SLC6A2: variants seen among roughly 807,000 people sequenced by gnomAD.
SLC6A2 encodes sodium-dependent noradrenaline transporter.
SLC6A2 carries 26 observed loss-of-function variants against 71.7 expected under a neutral mutation model. The ratio of observed to expected loss-of-function variants is 0.36; its 90% CI spans 0.27 to 0.50. The LOEUF (loss-of-function observed/expected upper bound fraction) is 0.50, where lower values mean the gene tolerates loss of function less well. Ranked by LOEUF, SLC6A2 falls within the 20% of genes least tolerant of loss-of-function variation. The pLI, the probability that SLC6A2 is intolerant of heterozygous loss-of-function variation, is 0.96. For synonymous variants in SLC6A2, 363 were observed against 337.9 expected, an observed-to-expected ratio of 1.07 and a Z score of -0.82; for missense variants, 581 against 803.9, an observed-to-expected ratio of 0.72 and a Z score of 3.35.
intron 5 of SLC6A2, 46 bp downstream of exon 5, chr16:55,685,327 T>TGG: frequency 6.3e-7 from 1 of 1,586,634 alleles, no homozygotes; most frequent in East Asian, 2.2e-5. Flanking sequence ...TGATCAACCT[T>TGG]GGGGGGTGTG....
At chr16:55,698,837 G>T (rs1965881685) in intron 11 of SLC6A2, among the ~76,000 whole-genome samples, 1 of 152,160 alleles carries the variant, frequency 6.6e-6, no homozygotes, top group African/African-American at 2.4e-5. Flanking sequence ...ATCCTACCAG[G>T]GGGTTGTCAG....
intron 9 of SLC6A2, 44 bp from the exon 10 acceptor site, chr16:55,697,853 G>A (rs752925201): frequency 2.0e-5 from 33 of 1,611,744 alleles, no homozygotes; most frequent in Non-Finnish European, 1.8e-5. Flanking sequence ...TGAGGTCCAG[G>A]GAGACCCTAA....
At chr16:55,692,164 T>C in intron 6 of SLC6A2, 112 bp downstream of exon 6, 1 of 1,248,974 alleles carries the variant, frequency 8.0e-7, no homozygotes, top group Middle Eastern at 1.9e-4. Context: ...CAGTGTAGCC[T>C]TGGACAGGAT....
chr16:55,674,879 T>A (rs1271569180), intron 4 of SLC6A2, among the ~76,000 whole-genome samples: 1 of 152,238 alleles, frequency 6.6e-6, no homozygotes, highest in Non-Finnish European at 1.5e-5. Context: ...GTAGTGGGAT[T>A]GCTGGGTCGA....
intron 7 of SLC6A2, 66 bp from the exon 8 acceptor site, chr16:55,695,212 T>A: frequency 6.2e-7 from 1 of 1,602,196 alleles, no homozygotes; most frequent in Non-Finnish European, 8.5e-7. Flanking sequence ...CTATAGCCAG[T>A]CCAGCAGTCA....
chr16:55,665,374 G>T (rs1275718498), intron 2 of SLC6A2, among the ~76,000 whole-genome samples: 2 of 152,112 alleles, frequency 1.3e-5, no homozygotes, highest in Non-Finnish European at 2.9e-5. Context: ...GGGTGTTGGG[G>T]AAGGGGGACA....
At chr16:55,674,122 C>A (rs1965008295) in intron 4 of SLC6A2, among the ~76,000 whole-genome samples, 1 of 152,060 alleles carries the variant, frequency 6.6e-6, no homozygotes, top group Non-Finnish European at 1.5e-5. Flanking sequence ...GTGATTGAAC[C>A]TGCCACCCAG....
At chr16:55,689,446 T>C (rs1389753858) in intron 5 of SLC6A2, among the ~76,000 whole-genome samples, 1 of 152,224 alleles carries the variant, frequency 6.6e-6, no homozygotes, top group Non-Finnish European at 1.5e-5. Flanking sequence ...CCAACAAACA[T>C]GGCCAATGCA....
chr16:55,696,231 G>A lies in SLC6A2; in HGVS notation c.1154G>A (p.Gly385Asp). Residue 385 changes from glycine to aspartate, a missense_variant, in exon 9 of 15, where the codon GGC (glycine) becomes GAC (aspartate). Physicochemically the swap from Gly to Asp is moderately conservative, Grantham distance 94. Transcript: ENST00000568943. ...NIEDVATEGA[G>D]LVFILYPEAI... ...TCCTTGATGTTTCTTACAGGAGCTG[G>A]CCTAGTGTTCATCCTGTATCCAGAG... 1 of 1,599,074 alleles carries A rather than the reference G, an allele frequency of 6.3e-7. No homozygotes were observed. The highest frequency in any genetic ancestry group is 1.3e-5 in the African/African-American group (1 of 74,666).
In SLC6A2 at chr16:55,700,278, T is replaced by A. The variant is rs2142631228; in HGVS notation, c.1730T>A (p.Phe577Tyr). 2.5e-6 allele frequency: 4 copies of A among 1,613,196 alleles called. No homozygotes were observed. The highest frequency in any genetic ancestry group is 3.4e-6 in the Non-Finnish European group (4 of 1,179,706). Residue 577 changes from phenylalanine (F) to tyrosine (Y), a missense_variant, in exon 13 of 15, where the codon TTC (phenylalanine) becomes TAC (tyrosine). Phe to Tyr is a conservative substitution (Grantham distance 22). Transcript: ENST00000568943. ...VLVPIYVIYK[F>Y]LSTQGSLWER... Reference sequence around the variant, plus strand: ...GTGCCCATCTACGTCATCTATAAGTTCCTCAGCACGCAGGGCTCTCTTTGG... The same window carrying A: ...GTGCCCATCTACGTCATCTATAAGTACCTCAGCACGCAGGGCTCTCTTTGG...
At chr16:55,670,269 A>T (rs934980227) in intron 3 of SLC6A2, among the ~76,000 whole-genome samples, 1 of 152,190 alleles carries the variant, frequency 6.6e-6, no homozygotes, top group African/African-American at 2.4e-5. Flanking sequence ...TGGTTGGAGA[A>T]CTGGGCACAG....
intron 2 of SLC6A2, among the ~76,000 whole-genome samples, chr16:55,657,446 G>A (rs1964490101): frequency 6.6e-6 from 1 of 152,196 alleles, no homozygotes; most frequent in Non-Finnish European, 1.5e-5. Context: ...TGAGCCTGGG[G>A]GCAGGAACCT....
At chr16:55,687,994 G>A (rs1340145738) in intron 5 of SLC6A2, among the ~76,000 whole-genome samples, 30 of 152,218 alleles carry the variant, frequency 2.0e-4, no homozygotes, top group Admixed American at 2.0e-3. Context: ...CTCTGCATGT[G>A]TCATCCGAAA....
At chr16:55,683,381 G>A (rs1965340963) in intron 4 of SLC6A2, among the ~76,000 whole-genome samples, 1 of 152,172 alleles carries the variant, frequency 6.6e-6, no homozygotes, top group Non-Finnish European at 1.5e-5. Flanking sequence ...GGAGGCCAAG[G>A]CAGGTGGATA....
chr16:55,660,743 C>T (rs1351100428), intron 2 of SLC6A2, among the ~76,000 whole-genome samples: 1 of 152,200 alleles, frequency 6.6e-6, no homozygotes, highest in Non-Finnish European at 1.5e-5. Context: ...CTTTCCAATG[C>T]CCTGGCTCAG....
intron 14 of SLC6A2, 81 bp from the exon 15 acceptor site, chr16:55,702,242 C>A: frequency 7.3e-7 from 1 of 1,371,200 alleles, no homozygotes; most frequent in Non-Finnish European, 1.0e-6. Context: ...CTTCTCTCTA[C>A]CTCCTGCTGC....
intron 4 of SLC6A2, among the ~76,000 whole-genome samples, chr16:55,682,339 G>A (rs1965299740): frequency 6.6e-6 from 1 of 152,172 alleles, no homozygotes; most frequent in African/African-American, 2.4e-5. Context: ...CTGGGCAAAA[G>A]GGTTAGAAAT....
chr16:55,662,511 G>A (rs1964637137), intron 2 of SLC6A2, among the ~76,000 whole-genome samples: 1 of 152,160 alleles, frequency 6.6e-6, no homozygotes, highest in Non-Finnish European at 1.5e-5. Context: ...TGGGGGAGGT[G>A]AGGTCCTGCT....
intron 2 of SLC6A2, among the ~76,000 whole-genome samples, chr16:55,657,711 G>T (rs1964497892): frequency 6.6e-6 from 1 of 152,120 alleles, no homozygotes; most frequent in South Asian, 2.1e-4. Context: ...TGGGAGAGGG[G>T]CCTGAAGAAG....
Sources: gnomAD v4.1 joint callset for allele counts (sites outside exome capture counted in the v4.1 genomes callset) on GRCh38, gnomAD v4.1.1 for gene constraint, MANE v1.5 for transcripts, NCBI Gene and HGNC (gene_info 2026-07-23, HGNC 2026-07-21) for gene names.